Variants in CTIF observed in about 807,000 individuals in gnomAD.
The protein encoded by CTIF is cap binding complex dependent translation initiation factor.
Under a neutral mutation model 66.0 loss-of-function variants are expected in CTIF, and 21 were observed. That is an observed-to-expected ratio of 0.32 (90% CI 0.23 to 0.46). The LOEUF (loss-of-function observed/expected upper bound fraction) is 0.46, where lower values mean the gene tolerates loss of function less well. Among genes scored for constraint, CTIF ranks in the 20% least tolerant of loss-of-function variants. CTIF has a pLI of 1.00. For missense variants in CTIF, 739 were observed against 812.7 expected (o/e 0.91, Z 1.10); for synonymous variants, 345 against 326.4 (o/e 1.06, Z -0.62).
intron 1 of CTIF, among the ~76,000 whole-genome samples, chr18:48,542,397 T>C (rs1439509718): frequency 6.6e-6 from 1 of 152,264 alleles, no homozygotes; most frequent in Admixed American, 6.5e-5. Flanking sequence ...AATTCATGCA[T>C]GTGAAGGCTG....
rs181881317 is a variant in CTIF, at chr18:48,823,493, G to C, written c.1527+6117G>C. 3.2e-3 allele frequency among the ~76,000 whole-genome samples: 487 copies of C among 152,132 alleles called. 3 individuals carry two copies. Among genetic ancestry groups the C allele is most frequent in the African/African-American group, 0.011 (439 of 41,504 alleles). On this transcript the variant is annotated intron_variant, in intron 10 of 11. Coordinates refer to ENST00000256413, the MANE Select transcript of CTIF (RefSeq NM_014772.3). The stretch of plus-strand genomic sequence containing the variant: ...CTGTAAATGTGTGGATTTATTTTTC[G>C]ACTCTCTATTTTGTTTCATTGGTCT...
chr18:48,600,962 C>T (rs1393516673), intron 1 of CTIF, among the ~76,000 whole-genome samples: 1 of 152,082 alleles, frequency 6.6e-6, no homozygotes, highest in Non-Finnish European at 1.5e-5. Flanking sequence ...AGAGGCGCCT[C>T]CTTGCTCTCT....
chr18:48,730,313 TTCTGCG>T (rs2092430397), intron 7 of CTIF, among the ~76,000 whole-genome samples: 1 of 122,740 alleles, frequency 8.1e-6, no homozygotes, highest in African/African-American at 3.5e-5. Context: ...TGTGAGGGGC[TTCTGCG>T]GTGTGAGGGG....
intron 1 of CTIF, among the ~76,000 whole-genome samples, chr18:48,563,071 G>A (rs1242560307): frequency 6.6e-6 from 1 of 152,218 alleles, no homozygotes; most frequent in Middle Eastern, 3.2e-3. Flanking sequence ...CTTTAGCATA[G>A]CACCCGCCTC....
intron 3 of CTIF, among the ~76,000 whole-genome samples, chr18:48,655,378 G>C (rs2091230593): frequency 6.6e-6 from 1 of 151,374 alleles, no homozygotes; most frequent in Non-Finnish European, 1.5e-5. Context: ...AAAGCAGGTT[G>C]CAGGCTGAGA....
chr18:48,615,350 A>G (rs11875657), intron 1 of CTIF, among the ~76,000 whole-genome samples: 63,209 of 152,138 alleles, frequency 0.42, 15,132 homozygotes, highest in African/African-American at 0.66. Flanking sequence ...TGTGACTGAG[A>G]TGAAGCTTGG....
intron 9 of CTIF, among the ~76,000 whole-genome samples, chr18:48,801,875 A>C (rs1041412333): frequency 1.3e-5 from 2 of 152,198 alleles, no homozygotes; most frequent in African/African-American, 4.8e-5. Flanking sequence ...AATCTCCAAA[A>C]AGCTGGATAA....
At chr18:48,617,956 A>G (rs1040245650) in intron 1 of CTIF, among the ~76,000 whole-genome samples, 3 of 152,210 alleles carry the variant, frequency 2.0e-5, no homozygotes, top group Non-Finnish European at 4.4e-5. Context: ...TGCAGCGGCC[A>G]AAAGCCTAAA....
chr18:48,563,727 C>T (rs1204195773), intron 1 of CTIF, among the ~76,000 whole-genome samples: 1 of 152,276 alleles, frequency 6.6e-6, no homozygotes, highest in Admixed American at 6.5e-5. Context: ...CTGCCTCAGC[C>T]TTCCAAAGTG....
At chr18:48,726,739 A>G (rs1406687311) in intron 7 of CTIF, among the ~76,000 whole-genome samples, 1 of 152,132 alleles carries the variant, frequency 6.6e-6, no homozygotes, top group Admixed American at 6.5e-5. Context: ...ATATTCTACC[A>G]TATTCTGTTG....
chr18:48,560,877 T>G (rs2089142944), intron 1 of CTIF, among the ~76,000 whole-genome samples: 1 of 152,182 alleles, frequency 6.6e-6, no homozygotes, highest in African/African-American at 2.4e-5. Context: ...GGCCTATCCT[T>G]CCTTATTACA....
intron 9 of CTIF, among the ~76,000 whole-genome samples, chr18:48,801,186 G>C (rs1490347800): frequency 2.6e-5 from 4 of 152,162 alleles, no homozygotes; most frequent in African/African-American, 9.7e-5. Flanking sequence ...TGTGAGAGAG[G>C]GGCCCATTCA....
rs1287369089 is a variant in CTIF at position 48,807,946 on chromosome 18, G to A, written c.1372-9275G>A. Among the ~76,000 whole-genome samples the A allele has an allele frequency of 2.6e-5, 4 of 152,098 alleles. No individual in the cohort carries two copies. In the South Asian group the frequency reaches 8.3e-4, roughly 32 times the overall value. On this transcript the variant is annotated intron_variant, in intron 9 of 11. Transcript: ENST00000256413. ...TACTTAATTGTTCCCCTGTTGTTGG[G>A]TGCTTAGGTTTTTAGATTTTTATGT... is the stretch of plus-strand genomic sequence containing the variant.
chr18:48,565,514 A>G (rs889296818), intron 1 of CTIF: 2 of 152,054 alleles, frequency 1.3e-5, no homozygotes, highest in Non-Finnish European at 2.9e-5. Context: ...TGCTGCTGAC[A>G]CCAGGACAGG....
chr18:48,792,335 C>G (rs537564656), intron 9 of CTIF, among the ~76,000 whole-genome samples: 2 of 152,246 alleles, frequency 1.3e-5, no homozygotes, highest in East Asian at 3.9e-4. Flanking sequence ...GGCATCAGGT[C>G]AGCGGGATGC....
At chr18:48,737,715 C>T (rs1327679686) in intron 7 of CTIF, among the ~76,000 whole-genome samples, 8 of 151,834 alleles carry the variant, frequency 5.3e-5, no homozygotes, top group African/African-American at 1.9e-4. Flanking sequence ...CTTATATTAA[C>T]GATAATGAAT....
rs1410581853 is a variant in CTIF, at chr18:48,619,748, G to A, written c.180+3G>A. 1.3e-6 allele frequency: 2 copies of A among 1,580,110 alleles called. No homozygotes were observed. The highest frequency in any genetic ancestry group is 8.6e-7 in the Non-Finnish European group (1 of 1,162,848). Reference sequence around the variant, plus strand: ...GGACCCAGTCCCACATCTCCCAGGTGAGCGCGGGCCCGGGGTTGGGGCAGC... The same window carrying A: ...GGACCCAGTCCCACATCTCCCAGGTAAGCGCGGGCCCGGGGTTGGGGCAGC... On this transcript the variant is annotated splice_donor_region_variant and intron_variant, in intron 2 of 11. Transcript: ENST00000256413.
rs565012547 is a variant in CTIF, at chr18:48,806,434, G to A, written c.1372-10787G>A. 7.2e-5 allele frequency among the ~76,000 whole-genome samples: 11 copies of A among 152,280 alleles called. No homozygotes were observed. In the South Asian group the frequency reaches 8.3e-4, roughly 11 times the overall value. On this transcript the variant is annotated intron_variant, in intron 9 of 11. Coordinates refer to ENST00000256413, the MANE Select transcript of CTIF (RefSeq NM_014772.3). ...CCCCACTGGAGAGATGGCAACAGCA[G>A]CCACCTCTCTGGACAGAAACAAACC...
intron 6 of CTIF, among the ~76,000 whole-genome samples, chr18:48,709,198 G>C (rs906441003): frequency 2.8e-4 from 42 of 152,230 alleles, no homozygotes; most frequent in Admixed American, 2.7e-3. Context: ...AAGAGGAAGA[G>C]CCAGGATCTG....
Sources: gnomAD v4.1 joint callset for allele counts (sites outside exome capture counted in the v4.1 genomes callset) on GRCh38, gnomAD v4.1.1 for gene constraint, MANE v1.5 for transcripts, NCBI Gene and HGNC (gene_info 2026-07-23, HGNC 2026-07-21) for gene names.